The following ETFA variants were observed in gnomAD, a reference collection of about 807,000 sequenced individuals.
ETFA encodes electron transfer flavoprotein subunit alpha, mitochondrial.
ETFA carries 22 observed loss-of-function variants against 46.2 expected under a neutral mutation model. The ratio of observed to expected loss-of-function variants is 0.48; its 90% CI spans 0.34 to 0.68. The LOEUF (loss-of-function observed/expected upper bound fraction) is 0.68, where lower values mean the gene tolerates loss of function less well. ETFA is among the 30% of genes least tolerant of loss of function. The pLI is 0.01. For missense variants in ETFA, 345 were observed against 401.1 expected, an observed-to-expected ratio of 0.86 and a Z score of 1.19; for synonymous variants, 131 against 139.9, an observed-to-expected ratio of 0.94 and a Z score of 0.45.
intron 9 of ETFA, among the ~76,000 whole-genome samples, chr15:76,242,550 T>A (rs988085893): frequency 2.6e-5 from 4 of 152,228 alleles, no homozygotes; most frequent in Non-Finnish European, 4.4e-5. Flanking sequence ...TAAGTATATA[T>A]TCAAAAGAAC....
intron 11 of ETFA, among the ~76,000 whole-genome samples, chr15:76,222,449 CTT>C (rs1269588500): frequency 6.6e-6 from 1 of 152,122 alleles, no homozygotes; most frequent in Non-Finnish European, 1.5e-5. Flanking sequence ...TGTCTGTGCT[CTT>C]GTGTCAGAAT....
At chr15:76,221,994 A>C (rs1282003068) in intron 11 of ETFA, among the ~76,000 whole-genome samples, 2 of 152,144 alleles carry the variant, frequency 1.3e-5, no homozygotes, top group Admixed American at 6.5e-5. Flanking sequence ...TATACATGTT[A>C]TACATGATAC....
chr15:76,284,952 A>T (rs1417715677), intron 7 of ETFA: 1 of 399,514 alleles, frequency 2.5e-6, no homozygotes, highest in Non-Finnish European at 4.9e-6. Context: ...AAGAAAACGA[A>T]AAACAAGTCA....
intron 11 of ETFA, among the ~76,000 whole-genome samples, chr15:76,223,944 A>T (rs981524096): frequency 4.1e-4 from 63 of 152,358 alleles, no homozygotes; most frequent in African/African-American, 1.5e-3. Context: ...GAAAGCCCCC[A>T]TGTGAGTTTT....
Position 76,246,509 on chromosome 15 carries a change from G to A in ETFA, c.817-15111C>T, listed in dbSNP as rs527427640. On this transcript the variant is annotated intron_variant, in intron 9 of 11. Coordinates refer to ENST00000557943, the MANE Select transcript of ETFA (RefSeq NM_000126.4). ...AAGGATGTTTATCCTCACCACTTCC[G>A]TTCAACAATGCCACAGCTAACACAA... Among the ~76,000 whole-genome samples, 39 of 152,292 alleles carry A rather than the reference G, an allele frequency of 2.6e-4. 2 individuals are homozygous for A. The South Asian group carries it at 5.8e-3, about 23-fold the overall frequency.
intron 8 of ETFA, among the ~76,000 whole-genome samples, chr15:76,276,451 C>G (rs55805818): frequency 0.25 from 37,384 of 151,688 alleles, 5,520 homozygotes; most frequent in East Asian, 0.58. Flanking sequence ...ATTTGGTGTT[C>G]TCTCAGCTTC....
In ETFA at chr15:76,311,434, C is replaced by G. The variant is rs2039997588; in HGVS notation, c.-46G>C. ...CCTCGGCCTTACAGCAGCCCCGTGC[C>G]CGGCCAACTGGCGCCGCCTCAGCCA... On this transcript the variant is annotated 5_prime_UTR_variant, in exon 1 of 12. Coordinates refer to ENST00000557943, the MANE Select transcript of ETFA (RefSeq NM_000126.4). 3.2e-6 allele frequency: 5 copies of G among 1,545,532 alleles called. No homozygotes were observed. Among genetic ancestry groups the G allele is most frequent in the Non-Finnish European group, 4.4e-6 (5 of 1,146,970 alleles).
intron 11 of ETFA, among the ~76,000 whole-genome samples, chr15:76,217,987 T>G (rs1010918238): frequency 6.6e-6 from 1 of 152,214 alleles, no homozygotes; most frequent in African/African-American, 2.4e-5. Context: ...AGGGGTGGCA[T>G]TAAGTGCTGG....
intron 11 of ETFA, among the ~76,000 whole-genome samples, chr15:76,222,829 C>T (rs1284594974): frequency 8.0e-6 from 1 of 124,416 alleles, no homozygotes; most frequent in African/African-American, 2.7e-5. Flanking sequence ...TTTTTTTCCC[C>T]CAAACTGAAT....
At position 76,216,512 on chromosome 15, in the gene ETFA, A is replaced by T. The variant is rs754706670; in HGVS notation, c.*47T>A. The T allele has an allele frequency of 1.2e-5, 13 of 1,043,596 alleles. No homozygotes were observed. In the East Asian group the frequency reaches 3.1e-4, roughly 25 times the overall value. 64.6% of individuals were successfully genotyped at this position (1,043,596 alleles called of 1,614,324 possible). Reference sequence around the variant, plus strand: ...AATACCCACAAATATCTGTGATTTCAGTGGAATACTTTAACAAAAGTTTTC... The same window carrying T: ...AATACCCACAAATATCTGTGATTTCTGTGGAATACTTTAACAAAAGTTTTC... On this transcript the variant is annotated 3_prime_UTR_variant, in exon 12 of 12. Transcript: ENST00000557943.
At chr15:76,247,243 T>C (rs1392182234) in intron 9 of ETFA, among the ~76,000 whole-genome samples, 1 of 152,202 alleles carries the variant, frequency 6.6e-6, no homozygotes, top group Non-Finnish European at 1.5e-5. Flanking sequence ...ACATTTAAGG[T>C]GCTTATGAAT....
Position 76,225,884 on chromosome 15 carries a change from C to G in ETFA, c.928G>C (p.Val310Leu). Residue 310 changes from valine (V) to leucine (L), a missense_variant, in exon 11 of 12, where the codon GTG becomes CTG. Physicochemically the swap from Val to Leu is conservative, Grantham distance 32. Coordinates refer to ENST00000557943, the MANE Select transcript of ETFA (RefSeq NM_000126.4). Reference protein sequence around the residue: ...NKDPEAPIFQVADYGIVADLF... With the variant: ...NKDPEAPIFQLADYGIVADLF... ...TCTGCAACTATTCCATAATCTGCCA[C>G]TTGGAAAATTGGAGCTTCTGGGTCT... 1 of 1,612,214 alleles carries G rather than the reference C, an allele frequency of 6.2e-7. No individual in the cohort carries two copies. Among genetic ancestry groups the G allele is most frequent in the Non-Finnish European group, 8.5e-7 (1 of 1,178,354 alleles).
intron 5 of ETFA, 99 bp downstream of exon 5, chr15:76,287,747 G>T: frequency 1.1e-6 from 1 of 921,352 alleles, no homozygotes. Context: ...TCCACTTAAA[G>T]CAATTGTATG....
intron 9 of ETFA, among the ~76,000 whole-genome samples, chr15:76,246,207 G>A (rs2039241560): frequency 1.3e-5 from 2 of 152,092 alleles, no homozygotes; most frequent in South Asian, 4.2e-4. Context: ...TAATACTACA[G>A]TATGAAGTAT....
intron 6 of ETFA, 131 bp from the exon 7 acceptor site, chr15:76,285,869 C>A: frequency 1.5e-6 from 1 of 686,854 alleles, no homozygotes; most frequent in South Asian, 1.6e-5. Context: ...TTTCAGTGCT[C>A]CTAATTAATT....
chr15:76,310,566 AAT>A (rs912646836), intron 1 of ETFA, among the ~76,000 whole-genome samples: 2 of 152,134 alleles, frequency 1.3e-5, no homozygotes, highest in Non-Finnish European at 1.5e-5. Flanking sequence ...TGAGAAGGAA[AAT>A]ATGTTTCCTA....
At chr15:76,307,577 C>T (rs2039950541) in intron 1 of ETFA, among the ~76,000 whole-genome samples, 1 of 151,922 alleles carries the variant, frequency 6.6e-6, no homozygotes, top group Admixed American at 6.6e-5. Context: ...GCCTCAAATG[C>T]CCAGGTTCAA....
chr15:76,300,817 GCT>G (rs969055366), intron 1 of ETFA, among the ~76,000 whole-genome samples: 5 of 152,140 alleles, frequency 3.3e-5, no homozygotes, highest in Admixed American at 2.6e-4. Flanking sequence ...AACTTGCCCT[GCT>G]CTCTCAGACT....
At chr15:76,300,920 G>A (rs1411606523) in intron 1 of ETFA, among the ~76,000 whole-genome samples, 2 of 152,086 alleles carry the variant, frequency 1.3e-5, no homozygotes, top group Admixed American at 6.6e-5. Flanking sequence ...TAGGTTTTCT[G>A]CTGAAAGGTC....
Sources: allele counts gnomAD v4.1 joint callset (sites outside exome capture counted in the v4.1 genomes callset), GRCh38; gene constraint gnomAD v4.1.1; transcripts MANE v1.5; gene names NCBI Gene and HGNC (gene_info 2026-07-23, HGNC 2026-07-21).